Variants in LIMCH1 observed in about 807,000 individuals in gnomAD.
LIMCH1 encodes LIM and calponin homology domains-containing protein 1.
LIMCH1 carries 113 observed loss-of-function variants against 176.5 expected under a neutral mutation model. That is an observed-to-expected ratio of 0.64 (90% CI 0.55 to 0.75). The LOEUF is 0.75. LIMCH1 is among the 30% of genes least tolerant of loss of function. LIMCH1 has a pLI of 0.00. For missense variants in LIMCH1, 1,674 were observed against 1,814.9 expected, an observed-to-expected ratio of 0.92 and a Z score of 1.41; for synonymous variants, 619 against 645.9, an observed-to-expected ratio of 0.96 and a Z score of 0.63.
intron 1 of LIMCH1, among the ~76,000 whole-genome samples, chr4:41,374,370 A>G (rs549501212): frequency 1.3e-5 from 2 of 152,274 alleles, no homozygotes; most frequent in Admixed American, 6.5e-5. Context: ...TGCTCCAGGC[A>G]TCTCCCAAAC....
At chr4:41,440,002 C>T (rs970514459) in intron 1 of LIMCH1, among the ~76,000 whole-genome samples, 1 of 152,210 alleles carries the variant, frequency 6.6e-6, no homozygotes, top group Non-Finnish European at 1.5e-5. Flanking sequence ...TGCTTCCTTA[C>T]TGAACATCTC....
intron 7 of LIMCH1, among the ~76,000 whole-genome samples, chr4:41,623,777 C>A (rs1006304295): frequency 2.0e-5 from 3 of 152,048 alleles, no homozygotes; most frequent in African/African-American, 7.2e-5. Flanking sequence ...AGGCAGTATA[C>A]AAAAGGGAGC....
At chr4:41,363,485 T>G (rs2052478409) in intron 1 of LIMCH1, among the ~76,000 whole-genome samples, 1 of 152,190 alleles carries the variant, frequency 6.6e-6, no homozygotes, top group African/African-American at 2.4e-5. Flanking sequence ...TTCCCTTGGG[T>G]GGAGCAAGTT....
intron 1 of LIMCH1, among the ~76,000 whole-genome samples, chr4:41,569,521 C>T (rs929126613): frequency 6.6e-6 from 1 of 152,134 alleles, no homozygotes; most frequent in Admixed American, 6.5e-5. Flanking sequence ...CTTGGAAACG[C>T]GAAGTAAAAG....
At chr4:41,647,437 A>C (rs1173889240) in intron 17 of LIMCH1, among the ~76,000 whole-genome samples, 2 of 152,244 alleles carry the variant, frequency 1.3e-5, no homozygotes, top group Non-Finnish European at 2.9e-5. Context: ...CAAATGAGAC[A>C]GGTTTTTTAA....
chr4:41,589,315 A>G (rs1051162025), intron 1 of LIMCH1, among the ~76,000 whole-genome samples: 1 of 152,116 alleles, frequency 6.6e-6, no homozygotes, highest in African/African-American at 2.4e-5. Flanking sequence ...AGGCCCTGGC[A>G]GGAGCTCACC....
intron 1 of LIMCH1, among the ~76,000 whole-genome samples, chr4:41,582,330 G>A (rs6847582): frequency 0.22 from 33,500 of 152,154 alleles, 4,366 homozygotes; most frequent in African/African-American, 0.36. Flanking sequence ...CTAGATGGAA[G>A]ATGGTACTGA....
At chr4:41,586,094 C>T (rs1468307226) in intron 1 of LIMCH1, among the ~76,000 whole-genome samples, 74 of 129,782 alleles carry the variant, frequency 5.7e-4, no homozygotes, top group African/African-American at 2.0e-3. Context: ...CCCTCCCCTC[C>T]ACTCCCCTCC....
chr4:41,526,874 C>T (rs184605080), intron 3 of LIMCH1, among the ~76,000 whole-genome samples: 22 of 152,356 alleles, frequency 1.4e-4, no homozygotes, highest in African/African-American at 4.8e-4. Context: ...GTCTGCATTT[C>T]CTTGGCCACT....
chr4:41,591,437 T>A (rs536599354), intron 1 of LIMCH1, among the ~76,000 whole-genome samples: 1 of 151,894 alleles, frequency 6.6e-6, no homozygotes, highest in Admixed American at 6.6e-5. Flanking sequence ...ATAGAGAGAG[T>A]CTTGCTCTCT....
intron 17 of LIMCH1, among the ~76,000 whole-genome samples, chr4:41,649,226 C>G (rs1216523263): frequency 6.6e-6 from 1 of 152,074 alleles, no homozygotes; most frequent in Admixed American, 6.5e-5. Context: ...ATGATGAAAC[C>G]CTGTCTCTAC....
intron 3 of LIMCH1, among the ~76,000 whole-genome samples, chr4:41,604,521 G>C (rs1017011371): frequency 4.6e-5 from 7 of 152,006 alleles, no homozygotes; most frequent in African/African-American, 1.7e-4. Flanking sequence ...AGTTTCCCTA[G>C]GTGCTATTAT....
chr4:41,379,531 A>G (rs2154102296), intron 1 of LIMCH1, among the ~76,000 whole-genome samples: 1 of 152,314 alleles, frequency 6.6e-6, no homozygotes, highest in Middle Eastern at 3.4e-3. Context: ...ACCCAAGAGG[A>G]GAGGAATTAG....
intron 1 of LIMCH1, among the ~76,000 whole-genome samples, chr4:41,568,839 T>C (rs974649893): frequency 6.6e-6 from 1 of 152,236 alleles, no homozygotes; most frequent in Non-Finnish European, 1.5e-5. Flanking sequence ...TATTTACCTC[T>C]CTATTCAGGT....
chr4:41,425,505 C>T (rs1277392996), intron 1 of LIMCH1, among the ~76,000 whole-genome samples: 1 of 152,148 alleles, frequency 6.6e-6, no homozygotes, highest in Non-Finnish European at 1.5e-5. Flanking sequence ...CACCACCACA[C>T]CTGGCTAATT....
chr4:41,572,171 T>A (rs896082147), intron 1 of LIMCH1, among the ~76,000 whole-genome samples: 3 of 152,192 alleles, frequency 2.0e-5, no homozygotes, highest in African/African-American at 7.2e-5. Context: ...TTCTAAACAC[T>A]GCTCCATCTG....
intron 28 of LIMCH1, 113 bp from the exon 29 acceptor site, chr4:41,687,727 G>A (rs1722053015): frequency 1.7e-6 from 1 of 587,200 alleles, no homozygotes; most frequent in Non-Finnish European, 2.9e-6. Flanking sequence ...CTTTGATTTG[G>A]TTGTCACAAA....
chr4:41,564,801 C>T (rs114854103), intron 1 of LIMCH1, among the ~76,000 whole-genome samples: 246 of 152,256 alleles, frequency 1.6e-3, no homozygotes, highest in Middle Eastern at 6.8e-3. Context: ...ATAATTGAAT[C>T]GTGGAGGAGG....
Position 41,629,618 on chromosome 4 carries a change from G to C in LIMCH1, c.1155G>C (p.Gln385His). Residue 385 changes from glutamine (Q) to histidine (H), a missense_variant, in exon 9 of 32, where the codon CAG (glutamine) becomes CAC (histidine). By Grantham distance (24) the Gln-to-His change is conservative. This residue lies in a region of LIMCH1 where 655 missense variants were observed against 692.2 expected (regional missense o/e 0.95). Transcript: ENST00000503057. ...PDLHKDDLAQ[Q>H]RIQGSLAPHR... ...TTCACAAGGATGACCTGGCCCAGCA[G>C]AGAATTCAGGGCAGCCTTGCCCCTC... 6.5e-7 allele frequency: 1 copy of C among 1,536,094 alleles called. No homozygotes were observed. The highest frequency in any genetic ancestry group is 8.7e-7 in the Non-Finnish European group (1 of 1,146,922).
Sources: allele counts gnomAD v4.1 joint callset (sites outside exome capture counted in the v4.1 genomes callset), GRCh38; gene constraint gnomAD v4.1.1; regional missense constraint gnomAD v4.1.1; transcripts MANE v1.5; gene names NCBI Gene and HGNC (gene_info 2026-07-23, HGNC 2026-07-21).